Variants in SNRPB observed in about 807,000 individuals in gnomAD.
The protein encoded by SNRPB is small nuclear ribonucleoprotein polypeptides B and B1, also known as small nuclear ribonucleoprotein-associated proteins B and B'.
SNRPB carries 5 observed loss-of-function variants against 26.6 expected under a neutral mutation model. That is an observed-to-expected ratio of 0.19 (90% confidence interval 0.10 to 0.39). SNRPB has a LOEUF of 0.39. Ranked by LOEUF, SNRPB falls within the 10% of genes least tolerant of loss-of-function variation. The probability of loss-of-function intolerance (pLI) is 1.00; values close to 1 mark genes in which losing one functional copy is unlikely to be tolerated. For missense variants in SNRPB, 211 were observed against 311.9 expected, an observed-to-expected ratio of 0.68 and a Z score of 2.44; for synonymous variants, 122 against 105.8, an observed-to-expected ratio of 1.15 and a Z score of -0.94.
At position 2,461,811 on chromosome 20, in the gene SNRPB, C is replaced by T. The variant is rs374707884; in HGVS notation, c.*118G>A. The T allele has an allele frequency of 5.6e-6, 9 of 1,613,616 alleles. No homozygotes were observed. The highest frequency in any genetic ancestry group is 3.3e-4 in the Middle Eastern group (2 of 6,078). On this transcript the variant is annotated 3_prime_UTR_variant, in exon 7 of 7. Transcript: ENST00000381342. ...AGGGGGCCCTGTAAGGGAAACCAGA[C>T]AATCCCATGAGACTCCACGAACAAC...
At position 2,462,623 on chromosome 20, in the gene SNRPB, T is replaced by G. The variant is rs1488428885; in HGVS notation, c.685+13A>C. ...TAGGGAAAGAAGCCAAAGTCACCAC[T>G]GCAGGCACTTACCTCGCATCCCAGG... On this transcript the variant is annotated intron_variant, in intron 6 of 6. Coordinates refer to ENST00000381342, the MANE Select transcript of SNRPB (RefSeq NM_003091.4). 1 of 1,612,304 alleles carries G rather than the reference T, an allele frequency of 6.2e-7. No individual in the cohort carries two copies. Among genetic ancestry groups the G allele is most frequent in the Non-Finnish European group, 8.5e-7 (1 of 1,178,466 alleles).
chr20:2,463,159 C>A lies in SNRPB; in HGVS notation c.489G>T (p.Gly163=). The change falls in exon 5 of 7, where the codon GGG becomes GGT. Residue 163 remains glycine (G), a synonymous_variant. Transcript: ENST00000381342. This position sits in a 1 kb window ranked among gnomAD's most constrained non-coding sequence, Gnocchi z 5.0. ...AAAAATASIA[G]APTQYPPGRG... ...GGCCAGGTGGGTACTGGGTTGGAGCCCCGGCAATACTGGCTGTGGCAGCAG... is the reference window on the plus strand; with the variant it reads ...GGCCAGGTGGGTACTGGGTTGGAGCACCGGCAATACTGGCTGTGGCAGCAG... The A allele has an allele frequency of 6.2e-7, 1 of 1,612,800 alleles. No individual in the cohort carries two copies. Among genetic ancestry groups the A allele is most frequent in the South Asian group, 1.1e-5 (1 of 91,000 alleles).
Position 2,470,700 on chromosome 20 carries a change from TCTGATGGCTCTGATACCCGC to T in SNRPB, c.-30_-11del, listed in dbSNP as rs2085108517. ...GTGCCCTCCTTACCATGGTGGCGGTTCTGATGGCTCTGATACCCGCCGGATTCGCCTCCTCAGAGGCCTAG... is the reference window on the plus strand; with the variant it reads ...GTGCCCTCCTTACCATGGTGGCGGTTCGGATTCGCCTCCTCAGAGGCCTAG... On this transcript the variant is annotated 5_prime_UTR_variant, in exon 1 of 7. Coordinates refer to ENST00000381342, the MANE Select transcript of SNRPB (RefSeq NM_003091.4). 1.2e-6 allele frequency: 2 copies of T among 1,613,460 alleles called. No homozygotes were observed. Among genetic ancestry groups the T allele is most frequent in the South Asian group, 2.2e-5 (2 of 91,076 alleles).
chr20:2,463,686 C>T lies in SNRPB; in HGVS notation c.420+61G>A. 1.6e-6 allele frequency: 2 copies of T among 1,271,172 alleles called. No homozygotes were observed. The highest frequency in any genetic ancestry group is 2.2e-6 in the Non-Finnish European group (2 of 913,664). The allele number at this position is 1,271,172 out of a possible 1,614,324, so 78.7% of individuals were successfully genotyped here. A position where few individuals can be genotyped will look rare whatever the true frequency, so the allele number is the denominator to read the frequency against. Reference sequence around the variant, plus strand: ...CTCTGGACCCTTTTAAAACTATGGACCCTCCCCTTTATCCTTTATTTTAGC... The same window carrying T: ...CTCTGGACCCTTTTAAAACTATGGATCCTCCCCTTTATCCTTTATTTTAGC... On this transcript the variant is annotated intron_variant, in intron 4 of 6. Coordinates refer to ENST00000381342, the MANE Select transcript of SNRPB (RefSeq NM_003091.4). The surrounding 1 kb of genome is among the most constrained non-coding windows in gnomAD (Gnocchi z 5.0).
chr20:2,467,521 A>G, intron 2 of SNRPB, 86 bp downstream of exon 2: 1 of 1,262,762 alleles, frequency 7.9e-7, no homozygotes, highest in South Asian at 1.3e-5. Flanking sequence ...AGAACCAACT[A>G]GCTACATCAC....
Position 2,470,641 on chromosome 20 carries a change from A to C in SNRPB, c.3+47T>G, listed in dbSNP as rs767062504. On this transcript the variant is annotated intron_variant, in intron 1 of 6. Coordinates refer to ENST00000381342, the MANE Select transcript of SNRPB (RefSeq NM_003091.4). ...CCCGATCAGTCGCGGTTCCCACTCC[A>C]CAACAGACTCGGAAGCTCCCGCGCC... is the stretch of plus-strand genomic sequence containing the variant. 1.9e-6 allele frequency: 3 copies of C among 1,612,606 alleles called. 1 individual carries two copies. In the South Asian group the frequency reaches 3.3e-5, roughly 18 times the overall value.
intron 3 of SNRPB, among the ~76,000 whole-genome samples, chr20:2,464,301 T>G (rs1599997621): frequency 6.6e-6 from 1 of 152,216 alleles, no homozygotes; most frequent in African/African-American, 2.4e-5. Flanking sequence ...CTGAGTTGCC[T>G]TATCTGCAAA....
At position 2,467,913 on chromosome 20, in the gene SNRPB, T is replaced by C. The variant is rs775559936; in HGVS notation, c.4-155A>G. On this transcript the variant is annotated intron_variant, in intron 1 of 6. Coordinates refer to ENST00000381342, the MANE Select transcript of SNRPB (RefSeq NM_003091.4). ...CCCACCCACAGCCTTTTCCTAGGAA[T>C]TCTCCCATGCCACCCTGTTTTAGCC... Among the ~76,000 whole-genome samples, 52 of 103,268 alleles carry C rather than the reference T, an allele frequency of 5.0e-4. 1 individual carries two copies. The highest frequency in any genetic ancestry group is 3.0e-3 in the Admixed American group (26 of 8,760). 67.7% of individuals were successfully genotyped at this position (103,268 alleles called of 152,430 possible).
At chr20:2,462,858 G>A in intron 5 of SNRPB, 97 bp from the exon 6 acceptor site, 1 of 1,110,226 alleles carries the variant, frequency 9.0e-7, no homozygotes, top group Non-Finnish European at 1.3e-6. Context: ...GAGATAGATG[G>A]ACCATTCCAC....
At chr20:2,469,720 ATCC>A (rs1568465228) in intron 1 of SNRPB, among the ~76,000 whole-genome samples, 1 of 152,076 alleles carries the variant, frequency 6.6e-6, no homozygotes, top group Non-Finnish European at 1.5e-5. Context: ...ATTAAATTAA[ATCC>A]TTCAATGACA....
chr20:2,467,498 GAATA>G, intron 2 of SNRPB, 105 bp downstream of exon 2: 1 of 1,024,260 alleles, frequency 9.8e-7, no homozygotes, highest in Non-Finnish European at 1.5e-6. Flanking sequence ...TAAAACTGGA[GAATA>G]AACAGAGAAG....
Position 2,464,875 on chromosome 20 carries a change from TAA to T in SNRPB, c.267+831_267+832del, listed in dbSNP as rs776217943. On this transcript the variant is annotated intron_variant, in intron 3 of 6. Coordinates refer to ENST00000381342, the MANE Select transcript of SNRPB (RefSeq NM_003091.4). ...CAGAGCGAGACTCCATCTAAAAATC[TAA>T]AAAAAAAAAAAAAAAAAACCCTTCA... Among the ~76,000 whole-genome samples the T allele has an allele frequency of 1.6e-3, 63 of 40,128 alleles. 1 individual carries two copies. Among genetic ancestry groups the T allele is most frequent in the Admixed American group, 9.3e-3 (25 of 2,694 alleles). The allele number at this position is 40,128 out of a possible 152,430, so 26.3% of individuals were successfully genotyped here. A position where few individuals can be genotyped will look rare whatever the true frequency, so the allele number is the denominator to read the frequency against.
chr20:2,462,898 T>C (rs2085045787), intron 5 of SNRPB, 137 bp from the exon 6 acceptor site: 4 of 961,288 alleles, frequency 4.2e-6, no homozygotes, highest in Non-Finnish European at 4.7e-6. Context: ...AAACTGACAT[T>C]TGAGCCTAAC....
chr20:2,466,224 C>T (rs560861550), intron 2 of SNRPB, among the ~76,000 whole-genome samples: 2 of 152,208 alleles, frequency 1.3e-5, no homozygotes, highest in Non-Finnish European at 2.9e-5. Context: ...ACCTCACTTA[C>T]GTGCAGTGTC....
chr20:2,463,664 T>C lies in SNRPB; in HGVS notation c.420+83A>G. ...TCTGACAATCACAGGTTGGTCACTC[T>C]GGACCCTTTTAAAACTATGGACCCT... On this transcript the variant is annotated intron_variant, in intron 4 of 6. Transcript: ENST00000381342. This position sits in a 1 kb window ranked among gnomAD's most constrained non-coding sequence, Gnocchi z 5.0. The C allele has an allele frequency of 9.5e-7, 1 of 1,053,434 alleles. No homozygotes were observed. The highest frequency in any genetic ancestry group is 1.4e-6 in the Non-Finnish European group (1 of 716,844). 65.3% of individuals were successfully genotyped at this position (1,053,434 alleles called of 1,614,324 possible). A position where few individuals can be genotyped will look rare whatever the true frequency, so the allele number is the denominator to read the frequency against.
chr20:2,462,231 T>C (rs1034753892), intron 6 of SNRPB, among the ~76,000 whole-genome samples: 1 of 152,146 alleles, frequency 6.6e-6, no homozygotes, highest in Non-Finnish European at 1.5e-5. Context: ...TTCTCATCCA[T>C]GTGGGGACTG....
intron 2 of SNRPB, among the ~76,000 whole-genome samples, chr20:2,466,534 G>A (rs984669502): frequency 6.6e-6 from 1 of 152,092 alleles, no homozygotes; most frequent in African/African-American, 2.4e-5. Context: ...TTTAAAAAAA[G>A]AACTCAAAAG....
In SNRPB at chr20:2,461,911, A is replaced by G; in HGVS notation, c.*18T>C. The stretch of plus-strand genomic sequence containing the variant: ...CCCACGCCTCTGCGGAGCTACTTCC[A>G]TACTCTGTGGCCAAGGGTCAAAGAA... On this transcript the variant is annotated 3_prime_UTR_variant, in exon 7 of 7. Transcript: ENST00000381342. The G allele has an allele frequency of 3.1e-6, 5 of 1,613,712 alleles. No individual in the cohort carries two copies. The South Asian group carries it at 3.3e-5, about 11-fold the overall frequency.
chr20:2,461,800 G>A lies in SNRPB; in HGVS notation c.*129C>T. The A allele has an allele frequency of 6.2e-7, 1 of 1,613,610 alleles. No individual in the cohort carries two copies. The highest frequency in any genetic ancestry group is 1.3e-5 in the African/African-American group (1 of 75,018). On this transcript the variant is annotated 3_prime_UTR_variant, in exon 7 of 7. Coordinates refer to ENST00000381342, the MANE Select transcript of SNRPB (RefSeq NM_003091.4). ...ATTCCCGGGGGAGGGGGCCCTGTAA[G>A]GGAAACCAGACAATCCCATGAGACT...
Sources: allele counts gnomAD v4.1 joint callset (sites outside exome capture counted in the v4.1 genomes callset), GRCh38; gene constraint gnomAD v4.1.1; non-coding constraint Gnocchi (gnomAD v3.1); transcripts MANE v1.5; gene names NCBI Gene and HGNC (gene_info 2026-07-23, HGNC 2026-07-21).